Variants in CDH16 observed in about 807,000 individuals in gnomAD.
CDH16 encodes the protein cadherin 16.
A neutral mutation model predicts 87.6 loss-of-function variants in CDH16; 79 were observed. The observed-to-expected ratio is 0.90, with a 90% CI of 0.75 to 1.09. The LOEUF (loss-of-function observed/expected upper bound fraction) is 1.09. Ranked by LOEUF, CDH16 falls within the 50% of genes least tolerant of loss-of-function variation. The pLI is 0.00. For missense variants in CDH16, 1,124 were observed against 1,071.7 expected (o/e 1.05, Z -0.68); for synonymous variants, 457 against 439.5 (o/e 1.04, Z -0.50).
intron 5 of CDH16, 153 bp from the exon 6 acceptor site, chr16:66,915,531 T>G: frequency 1.3e-6 from 1 of 795,830 alleles, no homozygotes. Context: ...ACTTCCCAGA[T>G]GAGCAAACTG....
rs919070945 is a variant in CDH16 at position 66,916,599 on chromosome 16, C to A, written c.130-170G>T. Among the ~76,000 whole-genome samples, 1 of 152,194 alleles carries A rather than the reference C, an allele frequency of 6.6e-6. No individual in the cohort carries two copies. The highest frequency in any genetic ancestry group is 1.5e-5 in the Non-Finnish European group (1 of 68,044). On this transcript the variant is annotated intron_variant, in intron 3 of 17. Transcript: ENST00000299752. The surrounding 1 kb of genome is among the most constrained non-coding windows in gnomAD (Gnocchi z 4.1). ...TCAGGACTGAGACTCAGAGCCAGAA[C>A]TCTTTTCCCTGGACCTGATGCTCCC...
In CDH16 at chr16:66,918,010, G is replaced by A. The variant is rs1343214292; in HGVS notation, c.45+11C>T. 6.4e-7 allele frequency: 1 copy of A among 1,572,584 alleles called. No individual in the cohort carries two copies. The highest frequency in any genetic ancestry group is 1.2e-5 in the South Asian group (1 of 85,200). On this transcript the variant is annotated intron_variant, in intron 2 of 17. Coordinates refer to ENST00000299752, the MANE Select transcript of CDH16 (RefSeq NM_004062.4). ...CAAGACCTGAAGGAGAGGGGGCAGGGCCTAGCTCACCTGGGGGACGGAGAC... is the reference window on the plus strand; with the variant it reads ...CAAGACCTGAAGGAGAGGGGGCAGGACCTAGCTCACCTGGGGGACGGAGAC...
At chr16:66,917,334 C>T (rs1245811281) in intron 3 of CDH16, among the ~76,000 whole-genome samples, 1 of 151,848 alleles carries the variant, frequency 6.6e-6, no homozygotes, top group Non-Finnish European at 1.5e-5. Flanking sequence ...TACCTTCAGG[C>T]TATGTGTATA....
At position 66,909,250 on chromosome 16, in the gene CDH16, T is replaced by C; in HGVS notation, c.2392+17A>G. 1 of 1,513,322 alleles carries C rather than the reference T, an allele frequency of 6.6e-7. No homozygotes were observed. The highest frequency in any genetic ancestry group is 9.2e-7 in the Non-Finnish European group (1 of 1,087,790). 93.7% of individuals were successfully genotyped at this position (1,513,322 alleles called of 1,614,324 possible). ...CCATCGCCCTCGCCCACGCAGGTAA[T>C]GTCCAACCTCCATTACCTATTGCTA... On this transcript the variant is annotated intron_variant, in intron 17 of 17. Coordinates refer to ENST00000299752, the MANE Select transcript of CDH16 (RefSeq NM_004062.4). The surrounding 1 kb of genome is among the most constrained non-coding windows in gnomAD (Gnocchi z 4.1).
At chr16:66,911,448 G>C (rs1962412447) in intron 13 of CDH16, 133 bp from the exon 14 acceptor site, 5 of 881,064 alleles carry the variant, frequency 5.7e-6, no homozygotes, top group Non-Finnish European at 6.8e-6. Flanking sequence ...AAAGCCTGGG[G>C]GGCCCAGTCT....
At chr16:66,911,041 T>G (rs1011862843) in intron 14 of CDH16, 141 bp downstream of exon 14, 2 of 752,450 alleles carry the variant, frequency 2.7e-6, no homozygotes, top group Non-Finnish European at 2.0e-6. Context: ...AGAGGAACAT[T>G]GAACCCAGCT....
Position 66,914,226 on chromosome 16 carries a change from T to A in CDH16, c.770A>T (p.His257Leu), listed in dbSNP as rs1420346179. ...AENLKVLYPH[H>L]MAQVHWSGGD... Reference sequence around the variant, plus strand: ...CAGCCACTTACTCACCTGGGCCATGTGGTGCGGGTATAGGACTTTGAGATT... The same window carrying A: ...CAGCCACTTACTCACCTGGGCCATGAGGTGCGGGTATAGGACTTTGAGATT... Residue 257 changes from histidine to leucine, a missense_variant, in exon 7 of 18, where the codon CAC becomes CTC. Physicochemically the swap from His to Leu is moderately conservative, Grantham distance 99 (BLOSUM62 -3). Coordinates refer to ENST00000299752, the MANE Select transcript of CDH16 (RefSeq NM_004062.4). 2.5e-6 allele frequency: 4 copies of A among 1,612,820 alleles called. No homozygotes were observed. The highest frequency in any genetic ancestry group is 3.4e-6 in the Non-Finnish European group (4 of 1,178,876).
In CDH16 at chr16:66,916,706, T is replaced by C. The variant is rs1403854095; in HGVS notation, c.130-277A>G. Among the ~76,000 whole-genome samples the C allele has an allele frequency of 1.3e-5, 2 of 152,050 alleles. No individual in the cohort carries two copies. Among genetic ancestry groups the C allele is most frequent in the African/African-American group, 2.4e-5 (1 of 41,384 alleles). ...TTTAATCTAAAGCTCTGCTCTCCAC[T>C]AGGATTAAAATCTGTTAGTCATTCC... is the stretch of plus-strand genomic sequence containing the variant. On this transcript the variant is annotated intron_variant, in intron 3 of 17. Coordinates refer to ENST00000299752, the MANE Select transcript of CDH16 (RefSeq NM_004062.4). This position sits in a 1 kb window ranked among gnomAD's most constrained non-coding sequence, Gnocchi z 4.1.
Position 66,915,521 on chromosome 16 carries a change from A to G in CDH16, c.425-143T>C, listed in dbSNP as rs143457152. The G allele has an allele frequency of 9.9e-5, 89 of 897,228 alleles. No individual in the cohort carries two copies. In the African/African-American group the frequency reaches 1.1e-3, roughly 11 times the overall value. 55.6% of individuals were successfully genotyped at this position (897,228 alleles called of 1,614,324 possible). On this transcript the variant is annotated intron_variant, in intron 5 of 17. Coordinates refer to ENST00000299752, the MANE Select transcript of CDH16 (RefSeq NM_004062.4). Reference sequence around the variant, plus strand: ...GAGATGAGCCACGGCTTTTCGTCCTACTTCCCAGATGAGCAAACTGAAGCC... The same window carrying G: ...GAGATGAGCCACGGCTTTTCGTCCTGCTTCCCAGATGAGCAAACTGAAGCC...
intron 1 of CDH16, among the ~76,000 whole-genome samples, chr16:66,918,460 C>T (rs1167196570): frequency 6.6e-6 from 1 of 152,260 alleles, no homozygotes; most frequent in Non-Finnish European, 1.5e-5. Context: ...CCTGAAGTCA[C>T]CTCTTGTTGC....
Position 66,915,346 on chromosome 16 carries a change from G to T in CDH16, c.457C>A (p.Arg153=), listed in dbSNP as rs772231567. ...IPFLFLEASD[R]DEPGTANSDL... is the part of the protein sequence containing the mutation. The stretch of plus-strand genomic sequence containing the variant: ...GAGTTGGCTGTGCCTGGCTCATCCC[G>T]GTCTGAAGCCTCAAGGAAGAGGAAG... The change falls in exon 6 of 18, where the codon CGG becomes AGG. Residue 153 remains arginine (R), a synonymous_variant. Coordinates refer to ENST00000299752, the MANE Select transcript of CDH16 (RefSeq NM_004062.4). 3 of 1,613,952 alleles carry T rather than the reference G, an allele frequency of 1.9e-6. No homozygotes were observed. The highest frequency in any genetic ancestry group is 2.2e-5 in the South Asian group (2 of 91,050).
intron 13 of CDH16, 97 bp from the exon 14 acceptor site, chr16:66,911,412 C>G (rs566561876): frequency 3.8e-5 from 49 of 1,286,666 alleles, no homozygotes; most frequent in Non-Finnish European, 1.6e-5. Flanking sequence ...AATTCCACAC[C>G]CTCTCTGTGA....
At chr16:66,915,904 A>G (rs1461011264) in intron 5 of CDH16, among the ~76,000 whole-genome samples, 161 bp downstream of exon 5, 1 of 150,918 alleles carries the variant, frequency 6.6e-6, no homozygotes, top group East Asian at 1.9e-4. Flanking sequence ...ATCTCAAAAA[A>G]AAGAAAAAAA....
intron 1 of CDH16, among the ~76,000 whole-genome samples, chr16:66,918,349 G>A (rs192851988): frequency 6.6e-6 from 1 of 152,266 alleles, no homozygotes; most frequent in Non-Finnish European, 1.5e-5. Context: ...TCTCACCATA[G>A]CCTCCCCAGG....
Position 66,911,263 on chromosome 16 carries a change from C to A in CDH16, c.1843G>T (p.Gly615Trp). 1 of 1,613,520 alleles carries A rather than the reference C, an allele frequency of 6.2e-7. No homozygotes were observed. The highest frequency in any genetic ancestry group is 8.5e-7 in the Non-Finnish European group (1 of 1,179,792). ...EGWLCIEKFS[G>W]EVHTAQSLQG... The stretch of plus-strand genomic sequence containing the variant: ...AGGGACTGGGCGGTGTGCACCTCCC[C>A]GGAGAATTTCTCAATGCAGAGCCAG... The change falls in exon 14 of 18, where the codon GGG (glycine) becomes TGG (tryptophan). Residue 615 changes from glycine to tryptophan, a missense_variant. Transcript: ENST00000299752.
At position 66,909,395 on chromosome 16, in the gene CDH16, G is replaced by A. The variant is rs1326051531; in HGVS notation, c.2276-12C>T. 6.3e-7 allele frequency: 1 copy of A among 1,579,150 alleles called. No homozygotes were observed. Among genetic ancestry groups the A allele is most frequent in the African/African-American group, 1.3e-5 (1 of 74,452 alleles). The stretch of plus-strand genomic sequence containing the variant: ...GCGACACACGATCACTGAGGGGAGA[G>A]GGGAGGAAGGTAAGGGGAGGGAGGG... On this transcript the variant is annotated splice_polypyrimidine_tract_variant and intron_variant, in intron 16 of 17. Transcript: ENST00000299752. The surrounding 1 kb of genome is among the most constrained non-coding windows in gnomAD (Gnocchi z 4.1).
At chr16:66,918,116 T>G in intron 1 of CDH16, 38 bp from the exon 2 acceptor site, 1 of 1,452,222 alleles carries the variant, frequency 6.9e-7, no homozygotes, top group Non-Finnish European at 9.3e-7. Flanking sequence ...CCCAGGTGGG[T>G]AGGGAGGGGC....
rs528964454 is a variant in CDH16, at chr16:66,915,685, G to C, written c.425-307C>G. Among the ~76,000 whole-genome samples the C allele has an allele frequency of 6.6e-5, 10 of 152,316 alleles. No homozygotes were observed. In the South Asian group the frequency reaches 2.1e-3, roughly 32 times the overall value. On this transcript the variant is annotated intron_variant, in intron 5 of 17. Coordinates refer to ENST00000299752, the MANE Select transcript of CDH16 (RefSeq NM_004062.4). ...AGGCAGGCAGACCACCTGAGGCCAG[G>C]AGTTCGAGACCAGCCTGGCCAACAA...
intron 9 of CDH16, 58 bp from the exon 10 acceptor site, chr16:66,912,949 A>C: frequency 6.7e-7 from 1 of 1,497,042 alleles, no homozygotes. Flanking sequence ...ACCTTACCCC[A>C]CCCACTCCTT....
Sources: gnomAD v4.1 joint callset for allele counts (sites outside exome capture counted in the v4.1 genomes callset) on GRCh38, gnomAD v4.1.1 for gene constraint, Gnocchi (gnomAD v3.1) non-coding constraint, MANE v1.5 for transcripts, NCBI Gene and HGNC (gene_info 2026-07-23, HGNC 2026-07-21) for gene names.